Variants in KIF26B observed in about 807,000 individuals in gnomAD.
KIF26B encodes kinesin family member 26B.
In KIF26B, 63 loss-of-function variants were observed where a neutral mutation model predicts 151.2. That is an observed-to-expected ratio of 0.42 (90% CI 0.34 to 0.51). KIF26B has a LOEUF of 0.51. KIF26B is among the 20% of genes least tolerant of loss of function. The probability of loss-of-function intolerance (pLI) is 0.07; values close to 1 mark genes in which losing one functional copy is unlikely to be tolerated. For synonymous variants in KIF26B, 1,357 were observed against 1,262.1 expected (o/e 1.08, Z -1.59); for missense variants, 2,813 against 2,913.6 (o/e 0.97, Z 0.79).
chr1:245,606,040 G>A lies in KIF26B; in HGVS notation c.1558-1611G>A, dbSNP rs143938658. On this transcript the variant is annotated intron_variant, in intron 6 of 14. Transcript: ENST00000407071. The surrounding 1 kb of genome is among the most constrained non-coding windows in gnomAD (Gnocchi z 4.6). ...TGGGCAGCCTTCTGCCTGCTCTGCAGACACGCCTCTGGCAAATTCCATCAA... is the reference window on the plus strand; with the variant it reads ...TGGGCAGCCTTCTGCCTGCTCTGCAAACACGCCTCTGGCAAATTCCATCAA... 3.4e-3 allele frequency among the ~76,000 whole-genome samples: 520 copies of A among 152,298 alleles called. 7 individuals carry two copies. Among genetic ancestry groups the A allele is most frequent in the African/African-American group, 0.011 (475 of 41,578 alleles).
Position 245,687,962 on chromosome 1 carries a change from A to G in KIF26B, c.4979A>G (p.Glu1660Gly). ...SSSKLFSAKLEQLASRSNSLG... is the reference protein window; with the variant it reads ...SSSKLFSAKLGQLASRSNSLG... ...AGCAAGCTCTTCAGTGCCAAGCTGG[A>G]GCAGCTGGCCAGCAGAAGCAACTCG... The change falls in exon 12 of 15, where the codon GAG (glutamate) becomes GGG (glycine). Residue 1660 changes from glutamate (E) to glycine (G), a missense_variant. By Grantham distance (98) the Glu-to-Gly change is moderately conservative. Transcript: ENST00000407071. This position sits in a 1 kb window ranked among gnomAD's most constrained non-coding sequence, Gnocchi z 4.9. The G allele has an allele frequency of 1.3e-6, 2 of 1,588,068 alleles. No homozygotes were observed. The highest frequency in any genetic ancestry group is 1.7e-6 in the Non-Finnish European group (2 of 1,169,108).
At chr1:245,630,074 A>C (rs1305546963) in intron 9 of KIF26B, among the ~76,000 whole-genome samples, 1 of 152,234 alleles carries the variant, frequency 6.6e-6, no homozygotes, top group Non-Finnish European at 1.5e-5. Context: ...TTAAAAAGTC[A>C]AGAAACAATA....
intron 10 of KIF26B, among the ~76,000 whole-genome samples, chr1:245,666,749 A>T (rs3737922): frequency 0.5 from 75,714 of 151,648 alleles, 19,343 homozygotes; most frequent in East Asian, 0.76. Flanking sequence ...AATGGTACGG[A>T]CAAGTTAAAA....
At chr1:245,684,766 T>C (rs2044487820) in intron 11 of KIF26B, among the ~76,000 whole-genome samples, 1 of 152,224 alleles carries the variant, frequency 6.6e-6, no homozygotes, top group Non-Finnish European at 1.5e-5. Flanking sequence ...GACTGTGTCC[T>C]TCGAAGGCTT....
In KIF26B at chr1:245,340,248, C is replaced by A. The variant is rs565714362; in HGVS notation, c.466-26586C>A. On this transcript the variant is annotated intron_variant, in intron 2 of 14. Coordinates refer to ENST00000407071, the MANE Select transcript of KIF26B (RefSeq NM_018012.4). The stretch of plus-strand genomic sequence containing the variant: ...ATGGTATTTGCGTATAACCCAGGTA[C>A]GTCCTCCGGTATATCTGAAATGATG... Among the ~76,000 whole-genome samples the A allele has an allele frequency of 2.0e-5, 3 of 152,284 alleles. No individual in the cohort carries two copies. In the East Asian group the frequency reaches 5.8e-4, roughly 29 times the overall value.
intron 5 of KIF26B, among the ~76,000 whole-genome samples, chr1:245,541,737 C>T (rs1287592624): frequency 1.3e-5 from 2 of 152,138 alleles, no homozygotes; most frequent in Admixed American, 6.5e-5. Flanking sequence ...TGACTCCGGC[C>T]CTGGGCTTCA....
At chr1:245,508,263 C>T (rs370751723) in intron 4 of KIF26B, among the ~76,000 whole-genome samples, 13 of 152,266 alleles carry the variant, frequency 8.5e-5, no homozygotes, top group South Asian at 2.1e-4. Context: ...GTTGTTGAGA[C>T]GGAGTCTCGC....
At chr1:245,640,045 G>T (rs1419771395) in intron 9 of KIF26B, among the ~76,000 whole-genome samples, 1 of 149,320 alleles carries the variant, frequency 6.7e-6, no homozygotes, top group African/African-American at 2.5e-5. Context: ...TCCACCTATT[G>T]CCAAAAGTGA....
chr1:245,243,182 G>A (rs139983362), intron 2 of KIF26B, among the ~76,000 whole-genome samples: 1 of 152,258 alleles, frequency 6.6e-6, no homozygotes, highest in African/African-American at 2.4e-5. Flanking sequence ...AGTTGGACAT[G>A]CCCATCCTGT....
At position 245,239,372 on chromosome 1, in the gene KIF26B, A is replaced by C. The variant is rs1225239258; in HGVS notation, c.465+82689A>C. Among the ~76,000 whole-genome samples the C allele has an allele frequency of 6.6e-6, 1 of 152,238 alleles. No homozygotes were observed. Among genetic ancestry groups the C allele is most frequent in the Non-Finnish European group, 1.5e-5 (1 of 68,036 alleles). On this transcript the variant is annotated intron_variant, in intron 2 of 14. Coordinates refer to ENST00000407071, the MANE Select transcript of KIF26B (RefSeq NM_018012.4). This position sits in a 1 kb window ranked among gnomAD's most constrained non-coding sequence, Gnocchi z 4.3. ...TCACTTTCCAGAAGAGCTACGTTTT[A>C]ATGATTTACTAGAAAGCGAATTCTT... is the stretch of plus-strand genomic sequence containing the variant.
intron 3 of KIF26B, among the ~76,000 whole-genome samples, chr1:245,373,446 A>C (rs1198801735): frequency 3.3e-5 from 5 of 152,224 alleles, no homozygotes; most frequent in Non-Finnish European, 7.3e-5. Flanking sequence ...GGGCATTTGA[A>C]AGGATAGAAG....
At chr1:245,326,178 A>C (rs1288288966) in intron 2 of KIF26B, among the ~76,000 whole-genome samples, 1 of 152,196 alleles carries the variant, frequency 6.6e-6, no homozygotes, top group East Asian at 1.9e-4. Context: ...CGTTGCAGTC[A>C]ATCTAACTGA....
intron 2 of KIF26B, among the ~76,000 whole-genome samples, chr1:245,171,869 A>G (rs1377020166): frequency 6.6e-6 from 1 of 152,164 alleles, no homozygotes; most frequent in African/African-American, 2.4e-5. Context: ...CCTCGCTTGC[A>G]CGATGGTGTT....
chr1:245,159,582 G>T (rs1668501670), intron 2 of KIF26B, among the ~76,000 whole-genome samples: 1 of 152,320 alleles, frequency 6.6e-6, no homozygotes, highest in South Asian at 2.1e-4. Context: ...TTAGATTTAT[G>T]TTTTACAGAA....
chr1:245,508,964 G>A (rs1660777108), intron 4 of KIF26B, among the ~76,000 whole-genome samples: 1 of 152,160 alleles, frequency 6.6e-6, no homozygotes, highest in Admixed American at 6.5e-5. Flanking sequence ...AACATTTAAA[G>A]TGTTTCTTTA....
At chr1:245,474,872 GAGAAC>G (rs1659999640) in intron 4 of KIF26B, among the ~76,000 whole-genome samples, 1 of 151,782 alleles carries the variant, frequency 6.6e-6, no homozygotes, top group Admixed American at 6.6e-5. Context: ...AAATATGAGT[GAGAAC>G]GTGTGATATT....
chr1:245,204,625 T>G (rs1030373744), intron 2 of KIF26B, among the ~76,000 whole-genome samples: 16 of 152,068 alleles, frequency 1.1e-4, no homozygotes, highest in African/African-American at 3.6e-4. Context: ...CCACCTGCCT[T>G]GGCCTCCTAA....
chr1:245,566,600 A>C (rs59951506), intron 5 of KIF26B, among the ~76,000 whole-genome samples: 1 of 152,226 alleles, frequency 6.6e-6, no homozygotes, highest in Admixed American at 6.5e-5. Context: ...TCTTCCTCCA[A>C]ACAAAAGCTT....
At chr1:245,552,530 C>T (rs1269813278) in intron 5 of KIF26B, among the ~76,000 whole-genome samples, 1 of 152,060 alleles carries the variant, frequency 6.6e-6, no homozygotes, top group East Asian at 1.9e-4. Flanking sequence ...AATGATGACA[C>T]TGGTTTCCAT....
Sources: gnomAD v4.1 joint callset for allele counts (sites outside exome capture counted in the v4.1 genomes callset) on GRCh38, gnomAD v4.1.1 for gene constraint, Gnocchi (gnomAD v3.1) non-coding constraint, MANE v1.5 for transcripts, NCBI Gene and HGNC (gene_info 2026-07-23, HGNC 2026-07-21) for gene names.